The following RGPD2 variants were observed in gnomAD, a reference collection of about 807,000 sequenced individuals.
RGPD2 encodes RANBP2-like and GRIP domain-containing protein 2.
Under a neutral mutation model 36.0 loss-of-function variants are expected in RGPD2, and 2 were observed. The observed-to-expected ratio is 0.06, with a 90% CI of 0.02 to 0.17. The LOEUF is 0.17. Ranked by LOEUF, RGPD2 falls within the 10% of genes least tolerant of loss-of-function variation. The pLI is 1.00. For synonymous variants in RGPD2, 19 were observed against 163.8 expected, an observed-to-expected ratio of 0.12 and a Z score of 6.75; for missense variants, 40 against 464.3, an observed-to-expected ratio of 0.09 and a Z score of 8.40.
At chr2:87,880,993 G>T in the RGPD2 span, among the ~76,000 whole-genome samples, 1 of 147,756 alleles carries the variant, frequency 6.8e-6, no homozygotes, top group Non-Finnish European at 1.5e-5. Flanking sequence ...CCCTGTGCAA[G>T]TTCAAAATCA....
chr2:87,937,860 A>G, the RGPD2 span, among the ~76,000 whole-genome samples: 1 of 152,066 alleles, frequency 6.6e-6, no homozygotes, highest in South Asian at 2.1e-4. Flanking sequence ...GTAGATGTCA[A>G]TTACATTGGA....
the RGPD2 span, among the ~76,000 whole-genome samples, chr2:87,964,895 T>C: frequency 6.7e-6 from 1 of 148,480 alleles, no homozygotes; most frequent in Non-Finnish European, 1.5e-5. Context: ...GTCTAGGTGT[T>C]GCCCATGCCT....
At chr2:87,937,218 G>T in the RGPD2 span, among the ~76,000 whole-genome samples, 11 of 151,768 alleles carry the variant, frequency 7.2e-5, no homozygotes, top group African/African-American at 2.7e-4. Context: ...CAGGTCAAAT[G>T]AGACAAAATT....
chr2:87,829,748 C>T (rs1229436107), upstream of RGPD2, among the ~76,000 whole-genome samples: 18 of 151,192 alleles, frequency 1.2e-4, no homozygotes, highest in Admixed American at 6.6e-4. Context: ...CATCCCATGG[C>T]ATGTAGGGAT....
chr2:87,928,881 C>T, the RGPD2 span, among the ~76,000 whole-genome samples: 4 of 151,768 alleles, frequency 2.6e-5, no homozygotes, highest in African/African-American at 9.7e-5. Flanking sequence ...GTCCATCACC[C>T]ACTTTTTAAT....
chr2:87,963,837 C>CTTTT, the RGPD2 span, among the ~76,000 whole-genome samples: 46 of 88,766 alleles, frequency 5.2e-4, no homozygotes, highest in Non-Finnish European at 5.4e-4. Context: ...TTCTTTCTTT[C>CTTTT]TTTTTTTTTT....
chr2:87,918,864 TGTTGAGCTGCAGCTCTCATCAGCAGGTGA>T, the RGPD2 span, among the ~76,000 whole-genome samples: 1 of 146,068 alleles, frequency 6.8e-6, no homozygotes, highest in Non-Finnish European at 1.5e-5. Flanking sequence ...ATTATTTTTA[TGTTGAGCTGCAGCTCTCATCAGCAGGTGA>T]TTGTGATTCT....
chr2:87,933,415 GT>G, the RGPD2 span, among the ~76,000 whole-genome samples: 1 of 122,486 alleles, frequency 8.2e-6, no homozygotes, highest in East Asian at 2.1e-4. Flanking sequence ...CCAAGACACT[GT>G]GCTAAGCTGA....
At chr2:87,883,601 A>G in the RGPD2 span, among the ~76,000 whole-genome samples, 11 of 151,958 alleles carry the variant, frequency 7.2e-5, no homozygotes, top group Non-Finnish European at 1.5e-4. Context: ...CACTCATATT[A>G]AAAGTGAATT....
the RGPD2 span, among the ~76,000 whole-genome samples, chr2:87,945,062 C>A: frequency 6.6e-6 from 1 of 151,336 alleles, no homozygotes; most frequent in African/African-American, 2.4e-5. Flanking sequence ...GTTGTATAAC[C>A]TACATAAATT....
At chr2:87,871,865 CA>C in the RGPD2 span, among the ~76,000 whole-genome samples, 40 of 132,962 alleles carry the variant, frequency 3.0e-4, no homozygotes, top group Admixed American at 5.3e-4. Flanking sequence ...AACTCTGTCT[CA>C]AAAAAAAAAA....
At chr2:87,824,396 A>T (rs971702295) in intron 1 of RGPD2, among the ~76,000 whole-genome samples, 1 of 152,104 alleles carries the variant, frequency 6.6e-6, no homozygotes, top group Non-Finnish European at 1.5e-5. Context: ...ACGCATCATC[A>T]CACTCCAAAA....
chr2:87,844,963 A>G, the RGPD2 span, among the ~76,000 whole-genome samples: 1 of 114,044 alleles, frequency 8.8e-6, no homozygotes. Context: ...TTATTTTGTC[A>G]TCAATTTTCA....
chr2:87,861,303 T>G, the RGPD2 span, among the ~76,000 whole-genome samples: 9 of 152,050 alleles, frequency 5.9e-5, no homozygotes, highest in Non-Finnish European at 1.0e-4. Flanking sequence ...ATGTATTGAA[T>G]TTTCTAATTT....
chr2:87,944,252 C>CT, the RGPD2 span, among the ~76,000 whole-genome samples: 2 of 108,348 alleles, frequency 1.8e-5, no homozygotes, highest in African/African-American at 7.3e-5. Context: ...ATAAATATAA[C>CT]TTTTTATATT....
chr2:87,853,837 G>A, the RGPD2 span, among the ~76,000 whole-genome samples: 1 of 151,932 alleles, frequency 6.6e-6, no homozygotes, highest in Admixed American at 6.6e-5. Context: ...TATCTTTGAT[G>A]GTTAGTCATT....
At chr2:87,848,854 GGT>G in the RGPD2 span, among the ~76,000 whole-genome samples, 4 of 122,798 alleles carry the variant, frequency 3.3e-5, no homozygotes, top group Admixed American at 8.2e-5. Flanking sequence ...AATAATTGAG[GGT>G]GTGGTGTGTG....
the RGPD2 span, among the ~76,000 whole-genome samples, chr2:87,905,308 T>A: frequency 6.6e-6 from 1 of 152,228 alleles, no homozygotes; most frequent in Non-Finnish European, 1.5e-5. Context: ...TTCACAGGAT[T>A]CTTCCCTAAG....
the RGPD2 span, among the ~76,000 whole-genome samples, chr2:87,936,319 G>A: frequency 4.6e-5 from 7 of 151,332 alleles, no homozygotes; most frequent in Admixed American, 1.3e-4. Context: ...CTGAATTAGC[G>A]AAAATTCTAA....
Sources: gnomAD v4.1 joint callset for allele counts (sites outside exome capture counted in the v4.1 genomes callset) on GRCh38, gnomAD v4.1.1 for gene constraint, MANE v1.5 for transcripts, NCBI Gene and HGNC (gene_info 2026-07-23, HGNC 2026-07-21) for gene names.